The following ARMC7 variants were observed in gnomAD, a reference collection of about 807,000 sequenced individuals.
ARMC7 encodes armadillo repeat containing 7, also known as armadillo repeat-containing protein 7.
Under a neutral mutation model 14.8 loss-of-function variants are expected in ARMC7, and 9 were observed. That is an observed-to-expected ratio of 0.61 (90% CI 0.37 to 1.06). The LOEUF is 1.06. Ranked by LOEUF, ARMC7 falls within the 50% of genes least tolerant of loss-of-function variation. The probability of loss-of-function intolerance (pLI) is 0.01; values close to 1 mark genes in which losing one functional copy is unlikely to be tolerated. For missense variants in ARMC7, 262 were observed against 267.1 expected, an observed-to-expected ratio of 0.98 and a Z score of 0.13; for synonymous variants, 125 against 123.4, an observed-to-expected ratio of 1.01 and a Z score of -0.09.
chr17:75,113,912 G>A (rs753669645), intron 2 of ARMC7, among the ~76,000 whole-genome samples: 4 of 152,176 alleles, frequency 2.6e-5, no homozygotes, highest in Non-Finnish European at 5.9e-5. Flanking sequence ...TGCAGCCGTG[G>A]GAGCAGGTTT....
At chr17:75,114,230 G>A (rs952126066) in intron 2 of ARMC7, 34 of 401,224 alleles carry the variant, frequency 8.5e-5, no homozygotes, top group African/African-American at 5.9e-4. Context: ...TCTCCACCAG[G>A]GGGCGATAGA....
At position 75,129,018 on chromosome 17, in the gene ARMC7, G is replaced by C. The variant is rs139709035; in HGVS notation, c.577G>C (p.Val193Leu). ...SALGIPLPRS[V>L]APRQR Reference sequence around the variant, plus strand: ...CCTGGGTATCCCACTGCCGAGGAGCGTGGCCCCACGGCAGCGCTGATCCAT... The same window carrying C: ...CCTGGGTATCCCACTGCCGAGGAGCCTGGCCCCACGGCAGCGCTGATCCAT... The change falls in exon 3 of 3, where the codon GTG (valine) becomes CTG (leucine). Residue 193 changes from valine (V) to leucine (L), a missense_variant. By Grantham distance (32) the Val-to-Leu change is conservative. Coordinates refer to ENST00000245543, the MANE Select transcript of ARMC7 (RefSeq NM_024585.4). The C allele has an allele frequency of 1.9e-6, 3 of 1,598,248 alleles. No homozygotes were observed. Among genetic ancestry groups the C allele is most frequent in the Non-Finnish European group, 1.7e-6 (2 of 1,179,116 alleles).
intron 2 of ARMC7, among the ~76,000 whole-genome samples, chr17:75,112,326 C>T (rs1428666241): frequency 6.6e-6 from 1 of 152,088 alleles, no homozygotes; most frequent in African/African-American, 2.4e-5. Context: ...CACCTGTAGT[C>T]CCAGATACTC....
intron 2 of ARMC7, among the ~76,000 whole-genome samples, chr17:75,119,752 C>T (rs1189536239): frequency 2.0e-5 from 3 of 152,074 alleles, no homozygotes; most frequent in East Asian, 1.9e-4. Flanking sequence ...TGAGCCACCA[C>T]GCCCAGCCTG....
In ARMC7 at chr17:75,128,774, T is replaced by C. The variant is rs1482805135; in HGVS notation, c.333T>C (p.Asn111=). 2.5e-6 allele frequency: 4 copies of C among 1,613,488 alleles called. No individual in the cohort carries two copies. In the African/African-American group the frequency reaches 4.0e-5, roughly 16 times the overall value. ...TCATCAACTGCCTATCCAGCCCCAA[T>C]GAGGAGACGGTGCTGTCTGCCATCA... ...PLIINCLSSP[N]EETVLSAITT... The change falls in exon 3 of 3, where the codon AAT becomes AAC. Residue 111 remains asparagine (N), a synonymous_variant. Transcript: ENST00000245543.
At chr17:75,117,018 C>T (rs1251225213) in intron 2 of ARMC7, among the ~76,000 whole-genome samples, 1 of 152,202 alleles carries the variant, frequency 6.6e-6, no homozygotes, top group East Asian at 1.9e-4. Flanking sequence ...GCTCACCCTG[C>T]ACACTAAGGC....
intron 2 of ARMC7, among the ~76,000 whole-genome samples, chr17:75,126,102 C>T (rs1427843555): frequency 1.3e-5 from 2 of 152,150 alleles, no homozygotes; most frequent in Non-Finnish European, 2.9e-5. Context: ...ATTGGTCACT[C>T]AGGACACTGG....
At chr17:75,119,064 A>T (rs2073993044) in intron 2 of ARMC7, among the ~76,000 whole-genome samples, 1 of 152,178 alleles carries the variant, frequency 6.6e-6, no homozygotes, top group African/African-American at 2.4e-5. Flanking sequence ...CCAGCCTCCC[A>T]AAGTGCTAGG....
intron 2 of ARMC7, among the ~76,000 whole-genome samples, chr17:75,123,505 C>G (rs1231036268): frequency 2.0e-5 from 3 of 151,906 alleles, no homozygotes. Flanking sequence ...AGGTGCCCAC[C>G]ACCGTGCCCG....
At chr17:75,114,499 C>G in intron 2 of ARMC7, 1 of 392,486 alleles carries the variant, frequency 2.5e-6, no homozygotes, top group Admixed American at 4.4e-5. Flanking sequence ...GTCCGCGGTC[C>G]CAGCGTCTCC....
chr17:75,116,453 C>T (rs907548280), intron 2 of ARMC7, among the ~76,000 whole-genome samples: 2 of 152,166 alleles, frequency 1.3e-5, no homozygotes, highest in African/African-American at 4.8e-5. Context: ...CATGGAGAAA[C>T]CCCATCTCTA....
At chr17:75,120,632 G>A (rs1307492844) in intron 2 of ARMC7, among the ~76,000 whole-genome samples, 1 of 151,952 alleles carries the variant, frequency 6.6e-6, no homozygotes, top group Non-Finnish European at 1.5e-5. Context: ...GGCTAATACG[G>A]TGAAACCCCA....
At chr17:75,113,972 G>A (rs2145119232) in intron 2 of ARMC7, among the ~76,000 whole-genome samples, 1 of 152,332 alleles carries the variant, frequency 6.6e-6, no homozygotes, top group Middle Eastern at 3.4e-3. Context: ...GGCTTTGGGT[G>A]AGCTCCCTGG....
chr17:75,111,907 T>C (rs994867252), intron 2 of ARMC7, among the ~76,000 whole-genome samples: 3 of 151,510 alleles, frequency 2.0e-5, no homozygotes, highest in Non-Finnish European at 4.4e-5. Flanking sequence ...CTGCTCTAAA[T>C]GCTGGAGTAT....
In ARMC7 at chr17:75,110,562, A is replaced by T. The variant is rs145028303; in HGVS notation, c.191A>T (p.Asp64Val). The change falls in exon 2 of 3, where the codon GAT (aspartate) becomes GTT (valine). Residue 64 changes from aspartate (D) to valine (V), a missense_variant. By Grantham distance (152) the Asp-to-Val change is radical. Coordinates refer to ENST00000245543, the MANE Select transcript of ARMC7 (RefSeq NM_024585.4). ...CTGCAGGTCCTGGATTTATTTCTCGATTCGCTGTCGGAGGAGAATGAGACC... is the reference window on the plus strand; with the variant it reads ...CTGCAGGTCCTGGATTTATTTCTCGTTTCGCTGTCGGAGGAGAATGAGACC... ...RQLQVLDLFL[D>V]SLSEENETLV... 1.6e-5 allele frequency: 26 copies of T among 1,614,218 alleles called. No homozygotes were observed. The highest frequency in any genetic ancestry group is 2.2e-5 in the Non-Finnish European group (26 of 1,180,032).
intron 2 of ARMC7, among the ~76,000 whole-genome samples, chr17:75,127,117 C>T (rs1316338950): frequency 2.0e-5 from 3 of 150,146 alleles, no homozygotes; most frequent in Admixed American, 6.6e-5. Context: ...TGCCTGGAGT[C>T]AGTCTTAACT....
chr17:75,119,055 C>T (rs1025730829), intron 2 of ARMC7, among the ~76,000 whole-genome samples: 3 of 152,238 alleles, frequency 2.0e-5, no homozygotes, highest in African/African-American at 7.2e-5. Context: ...CCTCCGACCC[C>T]AGCCTCCCAA....
Position 75,129,142 on chromosome 17 carries a change from A to T in ARMC7, c.*104A>T. On this transcript the variant is annotated 3_prime_UTR_variant, in exon 3 of 3. Transcript: ENST00000245543. ...CATACTGCCCCATTGGTGCCTTTTC[A>T]GCCATCTGAAAGGCGGGTTCTTTCA... is the stretch of plus-strand genomic sequence containing the variant. 2 of 1,437,238 alleles carry T rather than the reference A, an allele frequency of 1.4e-6. No homozygotes were observed. The highest frequency in any genetic ancestry group is 1.8e-6 in the Non-Finnish European group (2 of 1,085,548). The allele number at this position is 1,437,238 out of a possible 1,614,324, so 89.0% of individuals were successfully genotyped here.
In ARMC7 at chr17:75,128,706, G is replaced by A. The variant is rs2074072493; in HGVS notation, c.265G>A (p.Ala89Thr). Reference sequence around the variant, plus strand: ...CCTGTGCAACCTGTGCCCAGACAGGGCCAACAAGGAGCACATCCTGCACGC... The same window carrying A: ...CCTGTGCAACCTGTGCCCAGACAGGACCAACAAGGAGCACATCCTGCACGC... ...GGLCNLCPDR[A>T]NKEHILHAGG... is the part of the protein sequence containing the mutation. The change falls in exon 3 of 3, where the codon GCC becomes ACC. Residue 89 changes from alanine to threonine, a missense_variant. Ala to Thr is a moderately conservative substitution (Grantham distance 58, BLOSUM62 0). Coordinates refer to ENST00000245543, the MANE Select transcript of ARMC7 (RefSeq NM_024585.4). The A allele has an allele frequency of 6.2e-7, 1 of 1,613,216 alleles. No individual in the cohort carries two copies. Among genetic ancestry groups the A allele is most frequent in the African/African-American group, 1.3e-5 (1 of 74,912 alleles).
Sources: gnomAD v4.1 joint callset for allele counts (sites outside exome capture counted in the v4.1 genomes callset) on GRCh38, gnomAD v4.1.1 for gene constraint, MANE v1.5 for transcripts, NCBI Gene and HGNC (gene_info 2026-07-23, HGNC 2026-07-21) for gene names.